Variants in PHACTR1 observed in about 807,000 individuals in gnomAD.
PHACTR1 encodes the protein phosphatase and actin regulator 1, also known as RPEL repeat containing 1.
A neutral mutation model predicts 69.2 loss-of-function variants in PHACTR1; 16 were observed. That is an observed-to-expected ratio of 0.23 (90% CI 0.16 to 0.35). The LOEUF is 0.35. Among genes scored for constraint, PHACTR1 ranks in the 10% least tolerant of loss-of-function variants. PHACTR1 has a pLI of 1.00. For missense variants in PHACTR1, 510 were observed against 734.7 expected, an observed-to-expected ratio of 0.69 and a Z score of 3.54; for synonymous variants, 312 against 284.5, an observed-to-expected ratio of 1.10 and a Z score of -0.97.
In PHACTR1 at chr6:13,206,008, G is replaced by T; in HGVS notation, c.858G>T (p.Gln286His). Reference sequence around the variant, plus strand: ...TCCTGCCCTCCCAGATCCAGCACCAGCTGCAGTACGGCAGCCACGGCCAGC... The same window carrying T: ...TCCTGCCCTCCCAGATCCAGCACCATCTGCAGTACGGCAGCCACGGCCAGC... The part of the protein sequence containing the change: ...HTVLPSQIQH[Q>H]LQYGSHGQHL... Residue 286 changes from glutamine (Q) to histidine (H), a missense_variant, in exon 8 of 15, where the codon CAG becomes CAT. Physicochemically the swap from Gln to His is conservative, Grantham distance 24. Around this residue, in one of 2 missense-constraint regions of PHACTR1, gnomAD observed 419 missense variants for 530.9 expected, o/e 0.79. Transcript: ENST00000332995. 6.2e-7 allele frequency: 1 copy of T among 1,613,996 alleles called. No homozygotes were observed. The highest frequency in any genetic ancestry group is 8.5e-7 in the Non-Finnish European group (1 of 1,179,890).
intron 8 of PHACTR1, among the ~76,000 whole-genome samples, chr6:13,226,811 C>G (rs1159035327): frequency 6.7e-6 from 1 of 149,778 alleles, no homozygotes; most frequent in Non-Finnish European, 1.5e-5. Context: ...GATCTTGGCT[C>G]ACTGCAACCT....
At chr6:12,878,175 A>G (rs1782730081) in intron 4 of PHACTR1, among the ~76,000 whole-genome samples, 1 of 152,236 alleles carries the variant, frequency 6.6e-6, no homozygotes, top group East Asian at 1.9e-4. Flanking sequence ...ATGAATAAAC[A>G]TTAGAGCAGC....
intron 4 of PHACTR1, among the ~76,000 whole-genome samples, chr6:12,970,977 C>G (rs1203484978): frequency 6.6e-6 from 1 of 152,148 alleles, no homozygotes; most frequent in East Asian, 1.9e-4. Context: ...TCTTCTTAAC[C>G]ATTTTCTCCA....
chr6:12,747,810 T>G (rs1395501398), intron 3 of PHACTR1, among the ~76,000 whole-genome samples: 1 of 152,022 alleles, frequency 6.6e-6, no homozygotes, highest in African/African-American at 2.4e-5. Flanking sequence ...TGAGCCAGAT[T>G]TGTTGGGGTG....
Position 13,064,629 on chromosome 6 carries a change from T to A in PHACTR1, c.415+11100T>A, listed in dbSNP as rs1171590264. On this transcript the variant is annotated intron_variant, in intron 5 of 14. Coordinates refer to ENST00000332995, the MANE Select transcript of PHACTR1 (RefSeq NM_030948.6). ...ATCTATATATCTATCTATCCACACT[T>A]GCCAGACTATGGAGGATTCACCACC... 6.1e-5 allele frequency among the ~76,000 whole-genome samples: 6 copies of A among 98,670 alleles called. No homozygotes were observed. The South Asian group carries it at 1.1e-3, about 19-fold the overall frequency. The allele number at this position is 98,670 out of a possible 152,430, so 64.7% of individuals were successfully genotyped here.
chr6:13,239,769 A>G (rs1772550955), intron 10 of PHACTR1, among the ~76,000 whole-genome samples: 1 of 152,152 alleles, frequency 6.6e-6, no homozygotes, highest in African/African-American at 2.4e-5. Flanking sequence ...TGAACTCTTG[A>G]CATCCTGTTG....
At chr6:13,131,207 A>G (rs1820390437) in intron 5 of PHACTR1, among the ~76,000 whole-genome samples, 2 of 26,128 alleles carry the variant, frequency 7.7e-5, no homozygotes, top group Admixed American at 9.0e-4. Context: ...ATATATACAC[A>G]TACACACACA....
At chr6:12,910,804 C>CTGGA (rs1393800784) in intron 4 of PHACTR1, among the ~76,000 whole-genome samples, 1 of 152,160 alleles carries the variant, frequency 6.6e-6, no homozygotes, top group African/African-American at 2.4e-5. Flanking sequence ...GTGGCAAAGC[C>CTGGA]TGGATCTGAA....
intron 4 of PHACTR1, among the ~76,000 whole-genome samples, chr6:12,809,825 T>C (rs1476226960): frequency 2.0e-5 from 3 of 152,242 alleles, no homozygotes; most frequent in African/African-American, 4.8e-5. Flanking sequence ...AAATAAATTG[T>C]ATCAAAAATT....
At chr6:12,743,237 C>CTAAT (rs1765310168) in intron 3 of PHACTR1, among the ~76,000 whole-genome samples, 1 of 150,694 alleles carries the variant, frequency 6.6e-6, no homozygotes, top group African/African-American at 2.4e-5. Context: ...ACACTAGAAT[C>CTAAT]TAATAACAGG....
intron 6 of PHACTR1, among the ~76,000 whole-genome samples, chr6:13,176,385 T>G (rs964164898): frequency 9.9e-5 from 15 of 152,182 alleles, no homozygotes; most frequent in African/African-American, 3.1e-4. Context: ...TCCACGTCAC[T>G]CACATGGTCA....
intron 3 of PHACTR1, among the ~76,000 whole-genome samples, chr6:12,744,124 A>T (rs1207173328): frequency 7.2e-5 from 11 of 152,196 alleles, no homozygotes; most frequent in Admixed American, 3.3e-4. Context: ...TTCTTTACTT[A>T]CCATAGGTCA....
intron 10 of PHACTR1, among the ~76,000 whole-genome samples, chr6:13,234,714 C>A (rs1562044177): frequency 6.6e-6 from 1 of 152,206 alleles, no homozygotes. Context: ...GGCTATTGGG[C>A]AGACTCTACT....
chr6:13,094,104 C>T (rs1442490125), intron 5 of PHACTR1, among the ~76,000 whole-genome samples: 1 of 152,040 alleles, frequency 6.6e-6, no homozygotes, highest in African/African-American at 2.4e-5. Flanking sequence ...AACTCCTGGG[C>T]TCAAGGGCTC....
intron 4 of PHACTR1, among the ~76,000 whole-genome samples, chr6:13,006,514 A>T (rs927872715): frequency 7.9e-5 from 12 of 152,168 alleles, no homozygotes; most frequent in African/African-American, 2.9e-4. Flanking sequence ...CAAAAAATGG[A>T]AATACTGCTT....
chr6:12,725,134 C>A (rs1227706453), intron 3 of PHACTR1, among the ~76,000 whole-genome samples: 1 of 152,158 alleles, frequency 6.6e-6, no homozygotes, highest in Non-Finnish European at 1.5e-5. Context: ...CAGAGGAATT[C>A]ATCCAAACCC....
chr6:13,204,721 C>T (rs1298659385), intron 7 of PHACTR1, among the ~76,000 whole-genome samples: 1 of 152,204 alleles, frequency 6.6e-6, no homozygotes, highest in African/African-American at 2.4e-5. Flanking sequence ...AGCAGTCACT[C>T]TCACTCCTGC....
chr6:13,278,206 G>C, intron 11 of PHACTR1, 62 bp from the exon 12 acceptor site: 2 of 1,491,780 alleles, frequency 1.3e-6, no homozygotes, highest in South Asian at 2.4e-5. Flanking sequence ...AAGGTCCAAA[G>C]GATGCACCTG....
At chr6:13,252,806 T>G (rs1246641349) in intron 10 of PHACTR1, among the ~76,000 whole-genome samples, 1 of 150,380 alleles carries the variant, frequency 6.6e-6, no homozygotes, top group African/African-American at 2.5e-5. Context: ...TATGTTTAAA[T>G]TTATGGACCA....
Sources: gnomAD v4.1 joint callset for allele counts (sites outside exome capture counted in the v4.1 genomes callset) on GRCh38, gnomAD v4.1.1 for gene constraint, gnomAD v4.1.1 regional missense constraint, MANE v1.5 for transcripts, NCBI Gene and HGNC (gene_info 2026-07-23, HGNC 2026-07-21) for gene names.